Variants in NCL observed in about 807,000 individuals in gnomAD.
NCL encodes nucleolin multifunctional protein.
A neutral mutation model predicts 77.7 loss-of-function variants in NCL; 4 were observed. That is an observed-to-expected ratio of 0.05 (90% confidence interval 0.03 to 0.12). The LOEUF is 0.12. Among genes scored for constraint, NCL ranks in the 10% least tolerant of loss-of-function variants. The pLI is 1.00. For missense variants in NCL, 763 were observed against 860.9 expected, an observed-to-expected ratio of 0.89 and a Z score of 1.42; for synonymous variants, 344 against 297.8, an observed-to-expected ratio of 1.16 and a Z score of -1.60.
chr2:231,461,408 CACA>C lies in NCL; in HGVS notation c.613+129_613+131del, dbSNP rs2046948580. 6.9e-6 allele frequency: 10 copies of C among 1,440,398 alleles called. 1 individual carries two copies. The highest frequency in any genetic ancestry group is 6.8e-5 in the South Asian group (5 of 73,082). The allele number at this position is 1,440,398 out of a possible 1,614,324, so 89.2% of individuals were successfully genotyped here. A position where few individuals can be genotyped will look rare whatever the true frequency, so the allele number is the denominator to read the frequency against. ...TCATGGGTAATTAAGTCTAGCACAC[CACA>C]ACAACCCAGAGAATTCCCACAAGGA... On this transcript the variant is annotated intron_variant, in intron 3 of 13. Transcript: ENST00000322723.
intron 8 of NCL, among the ~76,000 whole-genome samples, 155 bp from the exon 9 acceptor site, chr2:231,457,955 C>G (rs904780288): frequency 1.3e-5 from 2 of 152,218 alleles, no homozygotes; most frequent in African/African-American, 2.4e-5. Context: ...CCTCTTACTT[C>G]CCACTAGTTT....
Position 231,460,851 on chromosome 2 carries a change from G to C in NCL, c.629C>G (p.Ala210Gly). The change falls in exon 4 of 14, where the codon GCT becomes GGT. Residue 210 changes from alanine (A) to glycine (G), a missense_variant. This residue lies in a region of NCL where 590 missense variants were observed against 570.5 expected (regional missense o/e 1.03). Coordinates refer to ENST00000322723, the MANE Select transcript of NCL (RefSeq NM_005381.3). ...DDEEDDSEEE[A>G]METTPAKGKK... ...TCCTTTGGCTGGTGTAGTCTCCATA[G>C]CTTCTTCTTCAGAGTCTGAAAGAGA... 1 of 1,613,994 alleles carries C rather than the reference G, an allele frequency of 6.2e-7. No individual in the cohort carries two copies. Among genetic ancestry groups the C allele is most frequent in the Non-Finnish European group, 8.5e-7 (1 of 1,179,970 alleles).
At chr2:231,456,892 C>T (rs1463947004) in intron 10 of NCL, 109 bp downstream of exon 10, 27 of 1,552,106 alleles carry the variant, frequency 1.7e-5, no homozygotes, top group Admixed American at 3.8e-5. Context: ...CACTCATTTA[C>T]GTAGCTAAAA....
chr2:231,461,215 G>T (rs189776395), intron 3 of NCL, among the ~76,000 whole-genome samples: 7 of 151,886 alleles, frequency 4.6e-5, no homozygotes, highest in African/African-American at 1.7e-4. Flanking sequence ...GATGGAGGCT[G>T]CAGTGAGCCG....
Position 231,464,420 on chromosome 2 carries a change from T to C in NCL, c.-67A>G, listed in dbSNP as rs2046981269. 6.4e-7 allele frequency: 1 copy of C among 1,565,436 alleles called. No individual in the cohort carries two copies. Among genetic ancestry groups the C allele is most frequent in the African/African-American group, 1.4e-5 (1 of 73,746 alleles). ...TCCAGAAGAAGCCAAGCGACGGCGA[T>C]GGCGGCCGCGGGTGCTGAAGATCCC... On this transcript the variant is annotated 5_prime_UTR_variant, in exon 1 of 14. Transcript: ENST00000322723.
chr2:231,455,890 A>C, intron 12 of NCL, 120 bp downstream of exon 12: 1 of 1,488,488 alleles, frequency 6.7e-7, no homozygotes, highest in Non-Finnish European at 9.4e-7. Context: ...TCTCGTGCGA[A>C]TCCATAAACT....
chr2:231,462,960 C>T, intron 2 of NCL: 1 of 473,926 alleles, frequency 2.1e-6, no homozygotes, highest in East Asian at 4.0e-5. Flanking sequence ...CAACAAATCA[C>T]ACTCCAAGCC....
chr2:231,455,854 T>C (rs1234845817), intron 12 of NCL, 156 bp downstream of exon 12: 2 of 1,304,302 alleles, frequency 1.5e-6, no homozygotes, highest in Admixed American at 3.4e-5. Context: ...GGTAAAATAA[T>C]GCTAGTTCTG....
At position 231,461,543 on chromosome 2, in the gene NCL, C is replaced by G; in HGVS notation, c.610G>C (p.Asp204His). 6.2e-7 allele frequency: 1 copy of G among 1,613,336 alleles called. No homozygotes were observed. The highest frequency in any genetic ancestry group is 8.5e-7 in the Non-Finnish European group (1 of 1,179,516). Residue 204 changes from aspartate (D) to histidine (H), a missense_variant, in exon 3 of 14, where the codon GAT becomes CAT. Physicochemically the swap from Asp to His is moderately conservative, Grantham distance 81 (BLOSUM62 -1). Coordinates refer to ENST00000322723, the MANE Select transcript of NCL (RefSeq NM_005381.3). Reference protein sequence around the residue: ...DDEDDDDDEEDDSEEEAMETT... With the variant: ...DDEDDDDDEEHDSEEEAMETT... ...AACTACCAAGACAACTCCTTACCAT[C>G]TTCCTCATCGTCATCGTCATCCTCA... is the stretch of plus-strand genomic sequence containing the variant.
intron 7 of NCL, 190 bp downstream of exon 7, chr2:231,458,811 T>A: frequency 1.7e-6 from 1 of 588,406 alleles, no homozygotes; most frequent in Non-Finnish European, 2.7e-6. Context: ...ATTTACACTA[T>A]AACACTGACA....
At chr2:231,464,077 G>T (rs1367737319) in intron 1 of NCL, 29 of 1,336,312 alleles carry the variant, frequency 2.2e-5, no homozygotes, top group Non-Finnish European at 2.5e-5. Flanking sequence ...TCCACCCCGA[G>T]GCCCAGCGCC....
In NCL at chr2:231,455,210, T is replaced by C. The variant is rs763493296; in HGVS notation, c.2114A>G (p.Lys705Arg). ...CAGAAGCTATTCAAACTTCGTCTTC[T>C]TTCCTTGTGGCTTGTGGTCACCTCC... ...GGGGDHKPQG[K>R]KTKFE Residue 705 changes from lysine to arginine, a missense_variant, in exon 14 of 14, where the codon AAG (lysine) becomes AGG (arginine). Physicochemically the swap from Lys to Arg is conservative, Grantham distance 26 (BLOSUM62 2). This residue lies in a region of NCL where 173 missense variants were observed against 290.4 expected (regional missense o/e 0.60). Coordinates refer to ENST00000322723, the MANE Select transcript of NCL (RefSeq NM_005381.3). The C allele has an allele frequency of 4.3e-6, 7 of 1,614,232 alleles. No individual in the cohort carries two copies. In the South Asian group the frequency reaches 5.5e-5, roughly 13 times the overall value.
rs1000048639 is a variant in NCL, at chr2:231,461,769, G to A, written c.384C>T (p.Ala128=). ...LVATPGKKGA[A]IPAKGAKNGK... ...CATTCTTTGCCCCCTTGGCTGGGAT[G>A]GCAGCACCCTTCTTACCAGGAGTTG... The change falls in exon 3 of 14, where the codon GCC becomes GCT. Residue 128 remains alanine, a synonymous_variant. Coordinates refer to ENST00000322723, the MANE Select transcript of NCL (RefSeq NM_005381.3). 2 of 1,614,074 alleles carry A rather than the reference G, an allele frequency of 1.2e-6. No individual in the cohort carries two copies. The highest frequency in any genetic ancestry group is 1.7e-6 in the Non-Finnish European group (2 of 1,180,048).
intron 6 of NCL, 45 bp from the exon 7 acceptor site, chr2:231,459,170 A>G: frequency 6.7e-7 from 1 of 1,499,484 alleles, no homozygotes; most frequent in African/African-American, 1.4e-5. Context: ...GTGAAAACAC[A>G]AATCAAAATC....
chr2:231,458,766 C>G, intron 7 of NCL: 2 of 456,720 alleles, frequency 4.4e-6, no homozygotes, highest in Non-Finnish European at 7.5e-6. Flanking sequence ...AATTCTTGTT[C>G]TGTATAAAAG....
intron 12 of NCL, 165 bp downstream of exon 12, chr2:231,455,845 G>A: frequency 7.8e-7 from 1 of 1,279,784 alleles, no homozygotes; most frequent in Non-Finnish European, 1.1e-6. Flanking sequence ...AAGACAGAAG[G>A]TAAAATAATG....
intron 12 of NCL, 29 bp from the exon 13 acceptor site, chr2:231,455,653 T>C: frequency 6.2e-7 from 1 of 1,609,016 alleles, no homozygotes; most frequent in Non-Finnish European, 8.5e-7. Flanking sequence ...TTGCCCATTA[T>C]AAAAAGCACC....
At position 231,454,187 on chromosome 2, in the gene NCL, T is replaced by C; in HGVS notation, c.*1004A>G. On this transcript the variant is annotated 3_prime_UTR_variant, in exon 14 of 14. Coordinates refer to ENST00000322723, the MANE Select transcript of NCL (RefSeq NM_005381.3). Reference sequence around the variant, plus strand: ...CTTTTTGGGAGATGGGAGTCTCGCTTTGTTACCCAGCCTGGAGTATAGTAG... The same window carrying C: ...CTTTTTGGGAGATGGGAGTCTCGCTCTGTTACCCAGCCTGGAGTATAGTAG... 1 of 152,318 alleles carries C rather than the reference T, an allele frequency of 6.6e-6. No homozygotes were observed. The highest frequency in any genetic ancestry group is 1.5e-5 in the Non-Finnish European group (1 of 68,064). 9.4% of individuals were successfully genotyped at this position (152,318 alleles called of 1,614,324 possible).
In NCL at chr2:231,458,604, G is replaced by A. The variant is rs1195451471; in HGVS notation, c.1166-215C>T. 4 of 604,384 alleles carry A rather than the reference G, an allele frequency of 6.6e-6. No homozygotes were observed. In the East Asian group the frequency reaches 8.9e-5, roughly 13 times the overall value. 37.4% of individuals were successfully genotyped at this position (604,384 alleles called of 1,614,324 possible). ...CAGCTGATGTCAAACTCTCTGTTAGGTACACTGGAGTTCAACCTAGAGTAG... is the reference window on the plus strand; with the variant it reads ...CAGCTGATGTCAAACTCTCTGTTAGATACACTGGAGTTCAACCTAGAGTAG... On this transcript the variant is annotated intron_variant, in intron 7 of 13. Transcript: ENST00000322723.
Sources: allele counts gnomAD v4.1 joint callset (sites outside exome capture counted in the v4.1 genomes callset), GRCh38; gene constraint gnomAD v4.1.1; regional missense constraint gnomAD v4.1.1; transcripts MANE v1.5; gene names NCBI Gene and HGNC (gene_info 2026-07-23, HGNC 2026-07-21).